The following RBBP8 variants were observed in gnomAD, a reference collection of about 807,000 sequenced individuals.
The protein encoded by RBBP8 is RB binding protein 8, endonuclease.
In RBBP8, 88 loss-of-function variants were observed where a neutral mutation model predicts 108.3. That is an observed-to-expected ratio of 0.81 (90% CI 0.68 to 0.97). The LOEUF is 0.97. RBBP8 is among the 50% of genes least tolerant of loss of function. The probability of loss-of-function intolerance (pLI) is 0.00; values close to 1 mark genes in which losing one functional copy is unlikely to be tolerated. For synonymous variants in RBBP8, 332 were observed against 348.2 expected (o/e 0.95, Z 0.52); for missense variants, 1,023 against 1,049.0 (o/e 0.98, Z 0.34).
chr18:22,922,931 A>G (rs1330209762), intron 3 of RBBP8, among the ~76,000 whole-genome samples: 2 of 152,316 alleles, frequency 1.3e-5, no homozygotes, highest in Non-Finnish European at 2.9e-5. Flanking sequence ...CCTGAACTCA[A>G]TTATGTAAAT....
chr18:23,002,060 G>T (rs2045958437), intron 15 of RBBP8, among the ~76,000 whole-genome samples: 1 of 152,230 alleles, frequency 6.6e-6, no homozygotes, highest in African/African-American at 2.4e-5. Context: ...TAAAATTTTT[G>T]AGAAATGTCT....
intron 4 of RBBP8, among the ~76,000 whole-genome samples, chr18:22,959,363 A>G (rs1336622182): frequency 1.3e-5 from 2 of 152,048 alleles, no homozygotes; most frequent in African/African-American, 4.8e-5. Context: ...TAGGTAACAG[A>G]TTTTCTTTTC....
chr18:22,989,398 G>C, intron 9 of RBBP8, 80 bp downstream of exon 9: 1 of 1,048,760 alleles, frequency 9.5e-7, no homozygotes. Context: ...TTAAGCAAGA[G>C]AATTGTTCTA....
At chr18:22,965,805 G>C (rs1232961413) in intron 4 of RBBP8, among the ~76,000 whole-genome samples, 2 of 152,308 alleles carry the variant, frequency 1.3e-5, no homozygotes, top group Middle Eastern at 6.8e-3. Context: ...TTTACAGTGT[G>C]AATCAGGTTG....
intron 18 of RBBP8, among the ~76,000 whole-genome samples, chr18:23,024,933 G>T (rs2046429583): frequency 6.6e-6 from 1 of 152,112 alleles, no homozygotes. Context: ...TAGAATTTCA[G>T]TTCAGCCTTG....
intron 16 of RBBP8, among the ~76,000 whole-genome samples, chr18:23,009,823 G>A (rs969998736): frequency 2.0e-5 from 3 of 152,228 alleles, no homozygotes; most frequent in Middle Eastern, 3.4e-3. Context: ...GTGCAGGGGC[G>A]CCATCTCAGC....
At chr18:22,943,124 T>G (rs1223809458) in intron 2 of RBBP8, among the ~76,000 whole-genome samples, 1 of 151,964 alleles carries the variant, frequency 6.6e-6, no homozygotes, top group Non-Finnish European at 1.5e-5. Flanking sequence ...ACTGCACAAA[T>G]TAACAGTGAA....
intron 2 of RBBP8, among the ~76,000 whole-genome samples, chr18:22,915,748 G>T (rs531644513): frequency 4.5e-4 from 68 of 152,080 alleles, no homozygotes; most frequent in Non-Finnish European, 8.1e-4. Flanking sequence ...AAACCACACC[G>T]TGTTTAAAAC....
Position 22,946,440 on chromosome 18 carries a change from T to G in RBBP8, c.110-4T>G, listed in dbSNP as rs775067749. The G allele has an allele frequency of 4.0e-5, 64 of 1,612,512 alleles. No homozygotes were observed. Among genetic ancestry groups the G allele is most frequent in the Non-Finnish European group, 5.4e-5 (64 of 1,179,186 alleles). On this transcript the variant is annotated splice_polypyrimidine_tract_variant and splice_region_variant and intron_variant, in intron 2 of 18. Coordinates refer to ENST00000327155, the MANE Select transcript of RBBP8 (RefSeq NM_002894.3). ...AAGTAATACCTTTTCTTTTTACTTT[T>G]CAGGTTTACAAGTAAAAGTAACCAA...
At position 22,954,179 on chromosome 18, in the gene RBBP8, C is replaced by T. The variant is rs572436534; in HGVS notation, c.248+4466C>T. On this transcript the variant is annotated intron_variant, in intron 4 of 18. Coordinates refer to ENST00000327155, the MANE Select transcript of RBBP8 (RefSeq NM_002894.3). ...CATTTCAAGACAATCATTGCCTTCC[C>T]CACAGTCGCCTAGAATCTTAACTCA... Among the ~76,000 whole-genome samples, 33 of 152,278 alleles carry T rather than the reference C, an allele frequency of 2.2e-4. No homozygotes were observed. In the South Asian group the frequency reaches 6.8e-3, roughly 32 times the overall value.
intron 3 of RBBP8, among the ~76,000 whole-genome samples, chr18:22,921,686 T>A (rs1206360470): frequency 6.6e-6 from 1 of 152,230 alleles, no homozygotes; most frequent in Non-Finnish European, 1.5e-5. Flanking sequence ...CTTTAGCCTA[T>A]TTTTGTCTGA....
chr18:22,993,809 GTAGAAC>G lies in RBBP8; in HGVS notation c.1903_1908del (p.Arg635_Thr636del), dbSNP rs761903918. The G allele has an allele frequency of 6.2e-7, 1 of 1,613,710 alleles. No individual in the cohort carries two copies. The highest frequency in any genetic ancestry group is 2.2e-5 in the East Asian group (1 of 44,844). The stretch of plus-strand genomic sequence containing the variant: ...GCATCAGTTCTTCAGTTAAATCCAT[GTAGAAC>G]TGGTAAAATAAAGTCTCTACAAAAC... On this transcript the variant is annotated inframe_deletion, in exon 12 of 19. Coordinates refer to ENST00000327155, the MANE Select transcript of RBBP8 (RefSeq NM_002894.3).
chr18:22,973,948 A>G (rs1301694382), intron 5 of RBBP8, among the ~76,000 whole-genome samples: 3 of 152,176 alleles, frequency 2.0e-5, no homozygotes, highest in Non-Finnish European at 2.9e-5. Flanking sequence ...TAGACTGCAC[A>G]TTGCTTTAGG....
At chr18:22,987,652 A>G (rs978602346) in intron 8 of RBBP8, among the ~76,000 whole-genome samples, 2 of 152,030 alleles carry the variant, frequency 1.3e-5, no homozygotes, top group Non-Finnish European at 2.9e-5. Context: ...GTGTTTCACC[A>G]TGTTGCCAAG....
At chr18:23,016,659 C>T (rs1018463277) in intron 16 of RBBP8, 169 bp from the exon 17 acceptor site, 23 of 618,412 alleles carry the variant, frequency 3.7e-5, no homozygotes, top group African/African-American at 3.3e-4. Flanking sequence ...GAAAAAAATA[C>T]CCATAAAAAT....
rs546504702 is a variant in RBBP8 at position 22,986,821 on chromosome 18, A to G, written c.709+1831A>G. Among the ~76,000 whole-genome samples, 130 of 152,292 alleles carry G rather than the reference A, an allele frequency of 8.5e-4. No homozygotes were observed. The Middle Eastern group carries it at 0.017, about 20-fold the overall frequency. On this transcript the variant is annotated intron_variant, in intron 8 of 18. Coordinates refer to ENST00000327155, the MANE Select transcript of RBBP8 (RefSeq NM_002894.3). ...AACATGTGTGTCTGTTTGTCTGTCC[A>G]TGAGTATGTGTGCATGTGCATGGAG...
At chr18:22,971,228 T>G (rs1384423339) in intron 5 of RBBP8, among the ~76,000 whole-genome samples, 1 of 151,910 alleles carries the variant, frequency 6.6e-6, no homozygotes, top group African/African-American at 2.4e-5. Flanking sequence ...ACCCCGACCC[T>G]CCCACTCACT....
chr18:22,996,632 A>G (rs1395086878), intron 13 of RBBP8, among the ~76,000 whole-genome samples, 170 bp downstream of exon 13: 1 of 152,236 alleles, frequency 6.6e-6, no homozygotes, highest in African/African-American at 2.4e-5. Flanking sequence ...TTCTAACTTT[A>G]TGGTATTTTT....
At chr18:23,000,346 C>T (rs1030045767) in intron 14 of RBBP8, among the ~76,000 whole-genome samples, 1 of 151,992 alleles carries the variant, frequency 6.6e-6, no homozygotes, top group Non-Finnish European at 1.5e-5. Context: ...TTTCATTTTC[C>T]GTGTCAAATA....
Sources: gnomAD v4.1 joint callset for allele counts (sites outside exome capture counted in the v4.1 genomes callset) on GRCh38, gnomAD v4.1.1 for gene constraint, MANE v1.5 for transcripts, NCBI Gene and HGNC (gene_info 2026-07-23, HGNC 2026-07-21) for gene names.